The following DTX4 variants were observed in gnomAD, a reference collection of about 807,000 sequenced individuals.
The protein encoded by DTX4 is E3 ubiquitin-protein ligase DTX4.
A neutral mutation model predicts 57.6 loss-of-function variants in DTX4; 28 were observed. The ratio of observed to expected loss-of-function variants is 0.49; its 90% confidence interval spans 0.36 to 0.67. The LOEUF (loss-of-function observed/expected upper bound fraction) is 0.67, where lower values mean the gene tolerates loss of function less well. Among genes scored for constraint, DTX4 ranks in the 30% least tolerant of loss-of-function variants. The probability of loss-of-function intolerance (pLI) is 0.00; values close to 1 mark genes in which losing one functional copy is unlikely to be tolerated. For missense variants in DTX4, 715 were observed against 836.8 expected (o/e 0.85, Z 1.80); for synonymous variants, 316 against 331.0 (o/e 0.95, Z 0.49).
At chr11:59,194,995 C>A in intron 6 of DTX4, 1 of 598,856 alleles carries the variant, frequency 1.7e-6, no homozygotes, top group South Asian at 2.0e-5. Context: ...CAGCATGGAG[C>A]ATGGGACCAG....
chr11:59,201,019 A>G (rs953631431), intron 8 of DTX4, among the ~76,000 whole-genome samples: 3 of 152,184 alleles, frequency 2.0e-5, no homozygotes, highest in Non-Finnish European at 4.4e-5. Context: ...CTTATAAACA[A>G]TAGACACTTA....
intron 8 of DTX4, 70 bp downstream of exon 8, chr11:59,199,843 C>T: frequency 7.4e-7 from 1 of 1,353,560 alleles, no homozygotes; most frequent in South Asian, 1.3e-5. Context: ...TATGTCAAGG[C>T]CTAAAGTTTT....
At chr11:59,194,977 A>T in intron 6 of DTX4, 2 of 564,262 alleles carry the variant, frequency 3.5e-6, no homozygotes, top group Non-Finnish European at 3.1e-6. Flanking sequence ...CTTCTCTTAC[A>T]TATCCCTCAG....
chr11:59,182,182 A>G lies in DTX4; in HGVS notation c.655A>G (p.Lys219Glu). Residue 219 changes from lysine to glutamate, a missense_variant, in exon 2 of 9, where the codon AAG becomes GAG. By Grantham distance (56) the Lys-to-Glu change is moderately conservative (BLOSUM62 1). Coordinates refer to ENST00000227451, the MANE Select transcript of DTX4 (RefSeq NM_015177.2). Reference sequence around the variant, plus strand: ...GCCCCTACAGCTGCCAGTGACCCGCAAGAACATGCCGCCTCCTGGAGTGGT... The same window carrying G: ...GCCCCTACAGCTGCCAGTGACCCGCGAGAACATGCCGCCTCCTGGAGTGGT... ...TGPLQLPVTR[K>E]NMPPPGVVKL... is the part of the protein sequence containing the mutation. 6.2e-7 allele frequency: 1 copy of G among 1,612,736 alleles called. No individual in the cohort carries two copies. The highest frequency in any genetic ancestry group is 8.5e-7 in the Non-Finnish European group (1 of 1,179,462).
intron 3 of DTX4, 82 bp from the exon 4 acceptor site, chr11:59,189,080 A>T (rs1211197012): frequency 6.6e-7 from 1 of 1,507,718 alleles, no homozygotes; most frequent in Non-Finnish European, 9.1e-7. Flanking sequence ...GGAGGAGAGT[A>T]GGTTAATGGG....
rs747318101 is a variant in DTX4, at chr11:59,199,720, G to A, written c.1573G>A (p.Ala525Thr). 15 of 1,577,740 alleles carry A rather than the reference G, an allele frequency of 9.5e-6. No homozygotes were observed. The highest frequency in any genetic ancestry group is 2.7e-5 in the African/African-American group (2 of 73,862). ...CCCGAATCCTGGGAAGAGTTTCAGC[G>A]CCCGAGGCTTCCCACGACACTGTTA... ...EHPNPGKSFS[A>T]RGFPRHCYLP... is the part of the protein sequence containing the mutation. Residue 525 changes from alanine to threonine, a missense_variant, in exon 8 of 9, where the codon GCC becomes ACC. By Grantham distance (58) the Ala-to-Thr change is moderately conservative. Coordinates refer to ENST00000227451, the MANE Select transcript of DTX4 (RefSeq NM_015177.2).
intron 4 of DTX4, 105 bp from the exon 5 acceptor site, chr11:59,191,009 T>A: frequency 9.2e-7 from 1 of 1,084,658 alleles, no homozygotes; most frequent in African/African-American, 1.6e-5. Context: ...CCCTTTTTGC[T>A]TTTAACTTGC....
Position 59,186,463 on chromosome 11 carries a change from G to A in DTX4, c.936-2272G>A, listed in dbSNP as rs371682552. On this transcript the variant is annotated intron_variant, in intron 2 of 8. Transcript: ENST00000227451. ...GTCTGGGTTCTGAGTGCTGCCCCCT[G>A]CTGGGGAGCTGGGAGCAGGACACAG... Among the ~76,000 whole-genome samples, 104 of 152,310 alleles carry A rather than the reference G, an allele frequency of 6.8e-4. No homozygotes were observed. In the South Asian group the frequency reaches 0.021, roughly 30 times the overall value.
intron 4 of DTX4, among the ~76,000 whole-genome samples, chr11:59,190,120 G>A (rs1862578218): frequency 1.3e-5 from 2 of 152,160 alleles, no homozygotes; most frequent in Non-Finnish European, 2.9e-5. Context: ...TGGAGGAAAG[G>A]GCCTGCATCG....
intron 4 of DTX4, among the ~76,000 whole-genome samples, chr11:59,190,566 C>T (rs1460249337): frequency 2.0e-5 from 3 of 152,172 alleles, no homozygotes; most frequent in Non-Finnish European, 4.4e-5. Flanking sequence ...CAGGATGCTT[C>T]CCAGAGGATC....
chr11:59,177,611 C>T (rs530291337), intron 1 of DTX4, among the ~76,000 whole-genome samples: 5 of 152,276 alleles, frequency 3.3e-5, no homozygotes, highest in African/African-American at 1.2e-4. Flanking sequence ...CCAGGATTGT[C>T]TTCTTCTATG....
chr11:59,175,820 AAC>A (rs1862388802), intron 1 of DTX4, among the ~76,000 whole-genome samples: 1 of 152,250 alleles, frequency 6.6e-6, no homozygotes, highest in Admixed American at 6.5e-5. Context: ...AGTGGAGACA[AAC>A]AACTGTGGCT....
intron 1 of DTX4, among the ~76,000 whole-genome samples, chr11:59,179,722 G>A (rs1862439367): frequency 6.6e-6 from 1 of 152,228 alleles, no homozygotes; most frequent in African/African-American, 2.4e-5. Context: ...ACTTGGCCCA[G>A]GTGGGCAGAG....
chr11:59,191,646 A>G (rs1862600400), intron 5 of DTX4, among the ~76,000 whole-genome samples: 2 of 152,342 alleles, frequency 1.3e-5, no homozygotes, highest in South Asian at 4.1e-4. Flanking sequence ...ACAGCAAAGA[A>G]TTGTCCTCCC....
intron 1 of DTX4, 96 bp downstream of exon 1, chr11:59,172,902 C>A: frequency 1.0e-6 from 1 of 959,652 alleles, no homozygotes; most frequent in Non-Finnish European, 1.5e-6. Flanking sequence ...GCCACCTAGT[C>A]GGCACTTCTG....
chr11:59,199,871 G>GTTCTCTTTGGTCTGTGC, intron 8 of DTX4, 98 bp downstream of exon 8: 1 of 969,910 alleles, frequency 1.0e-6, no homozygotes, highest in Non-Finnish European at 1.6e-6. Context: ...ACAATGCACA[G>GTTCTCTTTGGTCTGTGC]ACCAAAGAGA....
rs1347817541 is a variant in DTX4, at chr11:59,205,549, CT to C, written c.*641del. 6.5e-6 allele frequency: 1 copy of C among 154,718 alleles called. No homozygotes were observed. Among genetic ancestry groups the C allele is most frequent in the Admixed American group, 6.4e-5 (1 of 15,726 alleles). The allele number at this position is 154,718 out of a possible 1,614,324, so 9.6% of individuals were successfully genotyped here. On this transcript the variant is annotated 3_prime_UTR_variant, in exon 9 of 9. Transcript: ENST00000227451. ...GTCCTTGGCTTCTCTGGGCCCTCCT[CT>C]CCTCCTCACAGCTCTCACCTGTCCA...
intron 1 of DTX4, among the ~76,000 whole-genome samples, chr11:59,175,379 G>GC (rs1862382983): frequency 6.6e-6 from 1 of 152,162 alleles, no homozygotes; most frequent in African/African-American, 2.4e-5. Flanking sequence ...TGCTGATAGA[G>GC]TCCTCAGGCT....
chr11:59,204,133 C>T (rs1277448638), intron 8 of DTX4, among the ~76,000 whole-genome samples: 12 of 152,084 alleles, frequency 7.9e-5, no homozygotes, highest in African/African-American at 2.7e-4. Context: ...TTTCTCACCT[C>T]GAGAAAGTCA....
Sources: allele counts gnomAD v4.1 joint callset (sites outside exome capture counted in the v4.1 genomes callset), GRCh38; gene constraint gnomAD v4.1.1; transcripts MANE v1.5; gene names NCBI Gene and HGNC (gene_info 2026-07-23, HGNC 2026-07-21).